Variants in MACO1 observed in about 807,000 individuals in gnomAD.
The protein encoded by MACO1 is macoilin 1.
In MACO1, 14 loss-of-function variants were observed where a neutral mutation model predicts 78.7. The ratio of observed to expected loss-of-function variants is 0.18; its 90% CI spans 0.12 to 0.28. MACO1 has a LOEUF of 0.28. Ranked by LOEUF, MACO1 falls within the 10% of genes least tolerant of loss-of-function variation. The pLI, the probability that MACO1 is intolerant of heterozygous loss-of-function variation, is 1.00. For synonymous variants in MACO1, 288 were observed against 291.6 expected, an observed-to-expected ratio of 0.99 and a Z score of 0.12; for missense variants, 501 against 799.0, an observed-to-expected ratio of 0.63 and a Z score of 4.50.
chr1:25,445,365 A>AGT (rs929779881), intron 1 of MACO1, among the ~76,000 whole-genome samples: 1 of 151,846 alleles, frequency 6.6e-6, no homozygotes, highest in African/African-American at 2.4e-5. Context: ...CATACCTCTT[A>AGT]GTAGAAACTT....
At position 25,497,817 on chromosome 1, in the gene MACO1, C is replaced by T. The variant is rs189735759; in HGVS notation, c.1793-447C>T. On this transcript the variant is annotated intron_variant, in intron 10 of 10. Coordinates refer to ENST00000374343, the MANE Select transcript of MACO1 (RefSeq NM_018202.6). ...AAAATTCCAGCTCAAGAGGTGGAGC[C>T]AGAGTTCAAAATCGCCAGCCCTCTT... Among the ~76,000 whole-genome samples the T allele has an allele frequency of 1.8e-3, 268 of 152,334 alleles. 1 individual carries two copies. Among genetic ancestry groups the T allele is most frequent in the Non-Finnish European group, 3.4e-3 (231 of 68,030 alleles).
At chr1:25,442,008 T>C (rs1234223616) in intron 1 of MACO1, among the ~76,000 whole-genome samples, 2 of 152,240 alleles carry the variant, frequency 1.3e-5, no homozygotes, top group African/African-American at 4.8e-5. Context: ...GAAATTTATG[T>C]TATATACCAG....
At chr1:25,453,646 G>C (rs2043088078) in intron 3 of MACO1, among the ~76,000 whole-genome samples, 1 of 128,858 alleles carries the variant, frequency 7.8e-6, no homozygotes, top group East Asian at 2.2e-4. Context: ...CTGGGCGACA[G>C]AGTGAGACTC....
rs66568068 is a variant in MACO1 at position 25,454,398 on chromosome 1, A to ATGTGTG, written c.473+19_473+20insGTGTGT. The ATGTGTG allele has an allele frequency of 3.6e-5, 55 of 1,530,462 alleles. No homozygotes were observed. Among genetic ancestry groups the ATGTGTG allele is most frequent in the Admixed American group, 1.6e-4 (9 of 55,134 alleles). The allele number at this position is 1,530,462 out of a possible 1,614,324, so 94.8% of individuals were successfully genotyped here. On this transcript the variant is annotated intron_variant, in intron 4 of 10. Transcript: ENST00000374343. ...CTGCTCACTGGTAAGTATTACATAAATGTATGTGTGTGTGTGTGTATATGT... is the reference window on the plus strand; with the variant it reads ...CTGCTCACTGGTAAGTATTACATAAATGTGTGTGTATGTGTGTGTGTGTGTATATGT...
At chr1:25,498,186 A>C (rs1200852583) in intron 10 of MACO1, 78 bp from the exon 11 acceptor site, 1 of 1,461,174 alleles carries the variant, frequency 6.8e-7, no homozygotes, top group African/African-American at 1.4e-5. Context: ...AACCGAATCT[A>C]CTTAGGGATT....
chr1:25,436,059 T>C (rs1190325538), intron 1 of MACO1, among the ~76,000 whole-genome samples: 1 of 152,246 alleles, frequency 6.6e-6, no homozygotes, highest in Non-Finnish European at 1.5e-5. Flanking sequence ...TCCTGTTTTA[T>C]CATTGATAGT....
intron 1 of MACO1, among the ~76,000 whole-genome samples, chr1:25,438,603 A>G (rs926964983): frequency 1.3e-5 from 2 of 152,236 alleles, no homozygotes; most frequent in Admixed American, 6.5e-5. Context: ...GGGAAATTCT[A>G]TATAAAGAAG....
At chr1:25,486,741 CA>C (rs1480432270) in intron 8 of MACO1, among the ~76,000 whole-genome samples, 1 of 152,182 alleles carries the variant, frequency 6.6e-6, no homozygotes, top group Non-Finnish European at 1.5e-5. Context: ...GAAATAACAG[CA>C]AGTGAGAACT....
At chr1:25,458,990 G>C in intron 6 of MACO1, 98 bp downstream of exon 6, 1 of 1,438,604 alleles carries the variant, frequency 7.0e-7, no homozygotes, top group South Asian at 1.4e-5. Context: ...TTTGTAATCA[G>C]ATATTGTGAC....
chr1:25,462,289 CTTTT>C (rs999290388), intron 6 of MACO1, among the ~76,000 whole-genome samples: 4 of 148,838 alleles, frequency 2.7e-5, no homozygotes, highest in African/African-American at 9.9e-5. Flanking sequence ...CTGATCTCTC[CTTTT>C]TTTTTTAATT....
intron 6 of MACO1, among the ~76,000 whole-genome samples, chr1:25,477,482 C>G (rs2043332349): frequency 6.6e-6 from 1 of 152,200 alleles, no homozygotes; most frequent in African/African-American, 2.4e-5. Flanking sequence ...TAGAGCCTCT[C>G]TGTCACTTGC....
At chr1:25,486,902 T>G (rs1015631421) in intron 8 of MACO1, among the ~76,000 whole-genome samples, 1 of 152,176 alleles carries the variant, frequency 6.6e-6, no homozygotes, top group African/African-American at 2.4e-5. Flanking sequence ...CTGAAGCACT[T>G]AAACTTGCAG....
At chr1:25,490,867 TATG>T (rs1357237975) in intron 9 of MACO1, among the ~76,000 whole-genome samples, 1 of 152,350 alleles carries the variant, frequency 6.6e-6, no homozygotes, top group African/African-American at 2.4e-5. Flanking sequence ...GTGTTGGTAT[TATG>T]AGTAATTTTC....
rs1306938729 is a variant in MACO1 at position 25,499,262 on chromosome 1, G to A, written c.*796G>A. Reference sequence around the variant, plus strand: ...TATCAAGCTCACTGCGGATCCTGCTGTAAAACTGGTGGGTAGCTGGGCTGT... The same window carrying A: ...TATCAAGCTCACTGCGGATCCTGCTATAAAACTGGTGGGTAGCTGGGCTGT... On this transcript the variant is annotated 3_prime_UTR_variant, in exon 11 of 11. Transcript: ENST00000374343. The A allele has an allele frequency of 6.6e-6, 1 of 152,126 alleles. No homozygotes were observed. The highest frequency in any genetic ancestry group is 2.4e-5 in the African/African-American group (1 of 41,414). 9.4% of individuals were successfully genotyped at this position (152,126 alleles called of 1,614,324 possible).
At chr1:25,468,575 T>C (rs928481424) in intron 6 of MACO1, among the ~76,000 whole-genome samples, 1 of 152,322 alleles carries the variant, frequency 6.6e-6, no homozygotes, top group African/African-American at 2.4e-5. Flanking sequence ...TAAAGTGTAA[T>C]ATATTGAATA....
chr1:25,472,808 G>T (rs558807847), intron 6 of MACO1, among the ~76,000 whole-genome samples: 1 of 152,132 alleles, frequency 6.6e-6, no homozygotes, highest in Non-Finnish European at 1.5e-5. Context: ...GAGTGATGGC[G>T]ACCACAGCCG....
chr1:25,482,349 A>G (rs112284603), intron 6 of MACO1, among the ~76,000 whole-genome samples: 66 of 152,164 alleles, frequency 4.3e-4, no homozygotes, highest in Middle Eastern at 3.4e-3. Flanking sequence ...TTCATTCTCA[A>G]CTGCAGCTCA....
intron 6 of MACO1, among the ~76,000 whole-genome samples, chr1:25,469,717 A>AGTGAT (rs1487193045): frequency 6.7e-6 from 1 of 150,150 alleles, no homozygotes; most frequent in East Asian, 2.0e-4. Flanking sequence ...GCTCACTGCA[A>AGTGAT]CCTCTGTCTT....
At chr1:25,435,800 T>G (rs1557656113) in intron 1 of MACO1, among the ~76,000 whole-genome samples, 1 of 152,254 alleles carries the variant, frequency 6.6e-6, no homozygotes, top group African/African-American at 2.4e-5. Flanking sequence ...ATGTTTTCAC[T>G]AACCTGTGCA....
Sources: gnomAD v4.1 joint callset for allele counts (sites outside exome capture counted in the v4.1 genomes callset) on GRCh38, gnomAD v4.1.1 for gene constraint, MANE v1.5 for transcripts, NCBI Gene and HGNC (gene_info 2026-07-23, HGNC 2026-07-21) for gene names.